Variants in PCDHGC3 observed in about 807,000 individuals in gnomAD.
PCDHGC3 encodes protocadherin gamma-C3.
PCDHGC3 carries 26 observed loss-of-function variants against 59.2 expected under a neutral mutation model. The observed-to-expected ratio is 0.44, with a 90% confidence interval of 0.32 to 0.61. The LOEUF (loss-of-function observed/expected upper bound fraction) is 0.61. PCDHGC3 is among the 20% of genes least tolerant of loss of function. The probability of loss-of-function intolerance (pLI) is 0.05; values close to 1 mark genes in which losing one functional copy is unlikely to be tolerated. For missense variants in PCDHGC3, 1,080 were observed against 1,221.8 expected, an observed-to-expected ratio of 0.88 and a Z score of 1.73; for synonymous variants, 487 against 519.7, an observed-to-expected ratio of 0.94 and a Z score of 0.86.
chr5:141,512,395 C>T lies in PCDHGC3; in HGVS notation c.*1222C>T, dbSNP rs1229077213. ...ACCAAATGAACAGAAAGTCTCAGCCCAGGATGGGGCTTCTTCAACAGGGCC... is the reference window on the plus strand; with the variant it reads ...ACCAAATGAACAGAAAGTCTCAGCCTAGGATGGGGCTTCTTCAACAGGGCC... On this transcript the variant is annotated 3_prime_UTR_variant, in exon 4 of 4. Coordinates refer to ENST00000308177, the MANE Select transcript of PCDHGC3 (RefSeq NM_002588.4). 1 of 152,690 alleles carries T rather than the reference C, an allele frequency of 6.5e-6. No individual in the cohort carries two copies. Among genetic ancestry groups the T allele is most frequent in the Non-Finnish European group, 1.5e-5 (1 of 68,072 alleles). The allele number at this position is 152,690 out of a possible 1,614,324, so 9.5% of individuals were successfully genotyped here.
At position 141,490,807 on chromosome 5, in the gene PCDHGC3, G is replaced by T. The variant is rs1315856354; in HGVS notation, c.2431-4000G>T. Reference sequence around the variant, plus strand: ...ACGGATCTTTGCCCAGCGTACCTTTGACTATGAATTGCTGCAGATGCTGCA... The same window carrying T: ...ACGGATCTTTGCCCAGCGTACCTTTTACTATGAATTGCTGCAGATGCTGCA... On this transcript the variant is annotated intron_variant, in intron 1 of 3. Transcript: ENST00000308177. This position sits in a 1 kb window ranked among gnomAD's most constrained non-coding sequence, Gnocchi z 5.4. 6.2e-7 allele frequency: 1 copy of T among 1,613,924 alleles called. No individual in the cohort carries two copies. The highest frequency in any genetic ancestry group is 8.5e-7 in the Non-Finnish European group (1 of 1,179,870).
intron 3 of PCDHGC3, among the ~76,000 whole-genome samples, chr5:141,509,338 C>T (rs2099876319): frequency 6.6e-6 from 1 of 152,188 alleles, no homozygotes; most frequent in Admixed American, 6.5e-5. Flanking sequence ...CCAGCTGGGC[C>T]TGGGCTGGCC....
Position 141,491,302 on chromosome 5 carries a change from T to TC in PCDHGC3, c.2431-3504dup. The TC allele has an allele frequency of 6.2e-7, 1 of 1,614,126 alleles. No individual in the cohort carries two copies. Among genetic ancestry groups the TC allele is most frequent in the Non-Finnish European group, 8.5e-7 (1 of 1,180,000 alleles). On this transcript the variant is annotated intron_variant, in intron 1 of 3. Transcript: ENST00000308177. The surrounding 1 kb of genome is among the most constrained non-coding windows in gnomAD (Gnocchi z 6.9). ...CTTCCTCATACACCCTCCTGAGCGT[T>TC]CAGACCTTACCCTTTACCTCATTGT... is the stretch of plus-strand genomic sequence containing the variant.
In PCDHGC3 at chr5:141,510,983, C is replaced by T; in HGVS notation, c.2615C>T (p.Ala872Val). The change falls in exon 4 of 4, where the codon GCC becomes GTC. Residue 872 changes from alanine to valine, a missense_variant. Transcript: ENST00000308177. The stretch of plus-strand genomic sequence containing the variant: ...GGGAGCTCCACCCTGGGAGGGGGTG[C>T]CGGCACCATGGGATTGAGCGCCCGC... ...ADGSSTLGGG[A>V]GTMGLSARYG... The T allele has an allele frequency of 6.2e-7, 1 of 1,614,162 alleles. No homozygotes were observed. The highest frequency in any genetic ancestry group is 8.5e-7 in the Non-Finnish European group (1 of 1,180,012).
chr5:141,506,085 G>A lies in PCDHGC3; in HGVS notation c.2578+604G>A, dbSNP rs532931472. Among the ~76,000 whole-genome samples the A allele has an allele frequency of 2.6e-4, 39 of 152,168 alleles. 1 individual carries two copies. In the South Asian group the frequency reaches 2.9e-3, roughly 11 times the overall value. On this transcript the variant is annotated intron_variant, in intron 3 of 3. Coordinates refer to ENST00000308177, the MANE Select transcript of PCDHGC3 (RefSeq NM_002588.4). ...AGGGCTTCCTTTGTAATAGAGATTC[G>A]GCTAGTGGTGGTTGTCCCTGAAGAG...
chr5:141,476,049 C>T lies in PCDHGC3; in HGVS notation c.-68C>T. 2.0e-6 allele frequency: 3 copies of T among 1,501,848 alleles called. No homozygotes were observed. The South Asian group carries it at 4.0e-5, about 20-fold the overall frequency. 93.0% of individuals were successfully genotyped at this position (1,501,848 alleles called of 1,614,324 possible). ...CGCCCAGCGCCCAAGCGCTAACCCG[C>T]TGAAAGTTTCTCAGCGAAATCTCAG... On this transcript the variant is annotated 5_prime_UTR_variant, in exon 1 of 4. Coordinates refer to ENST00000308177, the MANE Select transcript of PCDHGC3 (RefSeq NM_002588.4). This position sits in a 1 kb window ranked among gnomAD's most constrained non-coding sequence, Gnocchi z 7.6.
chr5:141,491,937 AC>A lies in PCDHGC3; in HGVS notation c.2431-2865del. ...CTGTGGGCGAGGGGAGGTGGGACCG[AC>A]CCCCACCCCTACACTCAAAAAAGGC... On this transcript the variant is annotated intron_variant, in intron 1 of 3. Transcript: ENST00000308177. This position sits in a 1 kb window ranked among gnomAD's most constrained non-coding sequence, Gnocchi z 6.9. The A allele has an allele frequency of 3.4e-6, 4 of 1,164,304 alleles. No homozygotes were observed. Among genetic ancestry groups the A allele is most frequent in the Non-Finnish European group, 4.7e-6 (4 of 858,404 alleles). The allele number at this position is 1,164,304 out of a possible 1,614,324, so 72.1% of individuals were successfully genotyped here.
At position 141,489,599 on chromosome 5, in the gene PCDHGC3, A is replaced by T; in HGVS notation, c.2431-5208A>T. The T allele has an allele frequency of 6.2e-7, 1 of 1,614,020 alleles. No homozygotes were observed. The highest frequency in any genetic ancestry group is 8.5e-7 in the Non-Finnish European group (1 of 1,179,970). On this transcript the variant is annotated intron_variant, in intron 1 of 3. Coordinates refer to ENST00000308177, the MANE Select transcript of PCDHGC3 (RefSeq NM_002588.4). This position sits in a 1 kb window ranked among gnomAD's most constrained non-coding sequence, Gnocchi z 4.5. ...CACCCCCTGGAGCTAATCCGTGTAGAGGTAGAGATCCTGGATCTCAATGAC... is the reference window on the plus strand; with the variant it reads ...CACCCCCTGGAGCTAATCCGTGTAGTGGTAGAGATCCTGGATCTCAATGAC...
chr5:141,505,597 T>C, intron 3 of PCDHGC3, 116 bp downstream of exon 3: 1 of 1,558,330 alleles, frequency 6.4e-7, no homozygotes, highest in Non-Finnish European at 8.7e-7. Context: ...TCCAGATCTT[T>C]CGGCAGGTCT....
chr5:141,511,055 A>ATG lies in PCDHGC3; in HGVS notation c.2689_2690dup (p.Tyr898SerfsTer10). 1 of 1,614,218 alleles carries ATG rather than the reference A, an allele frequency of 6.2e-7. No individual in the cohort carries two copies. The highest frequency in any genetic ancestry group is 8.5e-7 in the Non-Finnish European group (1 of 1,180,026). On this transcript the variant is annotated frameshift_variant, in exon 4 of 4. Coordinates refer to ENST00000308177, the MANE Select transcript of PCDHGC3 (RefSeq NM_002588.4). LOFTEE classifies it high-confidence loss of function. Reference sequence around the variant, plus strand: ...CAGCACGTGCCCGACTACCGCCAGAATGTCTACATCCCAGGCAGCAATGCC... The same window carrying ATG: ...CAGCACGTGCCCGACTACCGCCAGAATGTGTCTACATCCCAGGCAGCAATGCC...
In PCDHGC3 at chr5:141,494,886, C is replaced by T. The variant is rs1212594477; in HGVS notation, c.2489+21C>T. ...AGCGGGTAGGTGACTGATTCTCCAG[C>T]CCACCCTCTTCTCTGCGGCATTTTC... On this transcript the variant is annotated intron_variant, in intron 2 of 3. Coordinates refer to ENST00000308177, the MANE Select transcript of PCDHGC3 (RefSeq NM_002588.4). 8 of 1,614,010 alleles carry T rather than the reference C, an allele frequency of 5.0e-6. No homozygotes were observed. The Admixed American group carries it at 8.3e-5, about 17-fold the overall frequency.
At position 141,476,749 on chromosome 5, in the gene PCDHGC3, G is replaced by C; in HGVS notation, c.633G>C (p.Gln211His). Residue 211 changes from glutamine (Q) to histidine (H), a missense_variant, in exon 1 of 4, where the codon CAG (glutamine) becomes CAC (histidine). Transcript: ENST00000308177. The surrounding 1 kb of genome is among the most constrained non-coding windows in gnomAD (Gnocchi z 7.6). ...ALDREREPSL[Q>H]LVLTALDGGT... ...ACCGAGAACGGGAGCCTAGTCTCCA[G>C]TTAGTGCTGACGGCGTTGGACGGAG... is the stretch of plus-strand genomic sequence containing the variant. 1.9e-6 allele frequency: 3 copies of C among 1,614,042 alleles called. No homozygotes were observed. The highest frequency in any genetic ancestry group is 2.5e-6 in the Non-Finnish European group (3 of 1,180,038).
intron 2 of PCDHGC3, among the ~76,000 whole-genome samples, chr5:141,497,859 G>A (rs188372194): frequency 2.0e-4 from 31 of 152,134 alleles, no homozygotes; most frequent in Middle Eastern, 6.8e-3. Context: ...TTGATTCAGC[G>A]GCTCCAAAGT....
chr5:141,494,742 G>A (rs1223104681), intron 1 of PCDHGC3, 65 bp from the exon 2 acceptor site: 10 of 1,611,946 alleles, frequency 6.2e-6, no homozygotes, highest in Non-Finnish European at 8.5e-6. Context: ...CCCATCCCTA[G>A]GGGCTCGGGT....
At position 141,510,228 on chromosome 5, in the gene PCDHGC3, G is replaced by A. The variant is rs529723748; in HGVS notation, c.2579-719G>A. The stretch of plus-strand genomic sequence containing the variant: ...GCAGAGGTTGCAGTGAGCCGGGATC[G>A]CGCCACTGCACTCCAGGCTGGGCGA... On this transcript the variant is annotated intron_variant, in intron 3 of 3. Coordinates refer to ENST00000308177, the MANE Select transcript of PCDHGC3 (RefSeq NM_002588.4). Among the ~76,000 whole-genome samples the A allele has an allele frequency of 1.4e-3, 208 of 150,722 alleles. 1 individual carries two copies. Among genetic ancestry groups the A allele is most frequent in the African/African-American group, 4.7e-3 (193 of 40,860 alleles).
rs376773009 is a variant in PCDHGC3, at chr5:141,511,838, C to T, written c.*665C>T. 64 of 156,854 alleles carry T rather than the reference C, an allele frequency of 4.1e-4. No homozygotes were observed. Among genetic ancestry groups the T allele is most frequent in the Non-Finnish European group, 6.8e-4 (48 of 70,726 alleles). The allele number at this position is 156,854 out of a possible 1,614,324, so 9.7% of individuals were successfully genotyped here. A position where few individuals can be genotyped will look rare whatever the true frequency, so the allele number is the denominator to read the frequency against. ...TCTTCCCAACGCCCTGGGGACCAGTCTTCTGTTTTGTTTTTCATTGTTTGA... is the reference window on the plus strand; with the variant it reads ...TCTTCCCAACGCCCTGGGGACCAGTTTTCTGTTTTGTTTTTCATTGTTTGA... On this transcript the variant is annotated 3_prime_UTR_variant, in exon 4 of 4. Transcript: ENST00000308177.
chr5:141,505,190 G>A (rs1326515866), intron 2 of PCDHGC3, among the ~76,000 whole-genome samples: 1 of 152,186 alleles, frequency 6.6e-6, no homozygotes, highest in East Asian at 1.9e-4. Flanking sequence ...ATCGGAGGCA[G>A]CAAAGAGCTG....
chr5:141,502,475 A>G (rs1246548191), intron 2 of PCDHGC3, among the ~76,000 whole-genome samples: 1 of 150,884 alleles, frequency 6.6e-6, no homozygotes, highest in Non-Finnish European at 1.5e-5. Context: ...TTCCCGCAGC[A>G]TCACACTGGG....
Position 141,491,458 on chromosome 5 carries a change from G to C in PCDHGC3, c.2431-3349G>C. 1 of 1,614,092 alleles carries C rather than the reference G, an allele frequency of 6.2e-7. No individual in the cohort carries two copies. The highest frequency in any genetic ancestry group is 8.5e-7 in the Non-Finnish European group (1 of 1,180,022). On this transcript the variant is annotated intron_variant, in intron 1 of 3. Coordinates refer to ENST00000308177, the MANE Select transcript of PCDHGC3 (RefSeq NM_002588.4). The surrounding 1 kb of genome is among the most constrained non-coding windows in gnomAD (Gnocchi z 6.9). Reference sequence around the variant, plus strand: ...CAGGCGCCAGGACTCACCCTCCCCGGACTTCTATAAGCAGTCCAGCCCCAA... The same window carrying C: ...CAGGCGCCAGGACTCACCCTCCCCGCACTTCTATAAGCAGTCCAGCCCCAA...
Sources: allele counts gnomAD v4.1 joint callset (sites outside exome capture counted in the v4.1 genomes callset), GRCh38; gene constraint gnomAD v4.1.1; non-coding constraint Gnocchi (gnomAD v3.1); transcripts MANE v1.5; gene names NCBI Gene and HGNC (gene_info 2026-07-23, HGNC 2026-07-21).